The following NPHP1 variants were observed in gnomAD, a reference collection of about 807,000 sequenced individuals.
NPHP1 encodes nephrocystin-1.
A neutral mutation model predicts 90.4 loss-of-function variants in NPHP1; 70 were observed. The ratio of observed to expected loss-of-function variants is 0.77; its 90% CI spans 0.64 to 0.95. NPHP1 has a LOEUF of 0.95. NPHP1 is among the 40% of genes least tolerant of loss of function. The pLI is 0.00. For synonymous variants in NPHP1, 256 were observed against 271.7 expected (o/e 0.94, Z 0.57); for missense variants, 764 against 795.9 (o/e 0.96, Z 0.48).
chr2:110,190,480 G>A (rs1007482377), intron 2 of NPHP1, among the ~76,000 whole-genome samples: 14 of 152,286 alleles, frequency 9.2e-5, no homozygotes, highest in Non-Finnish European at 1.5e-4. Flanking sequence ...CTGGCTGGCC[G>A]CTCCAAGTGC....
chr2:110,147,894 C>A, intron 13 of NPHP1, 22 bp downstream of exon 13: 2 of 1,320,466 alleles, frequency 1.5e-6, no homozygotes, highest in Non-Finnish European at 2.2e-6. Flanking sequence ...CATTAGAAAG[C>A]CTTATCTTTC....
At chr2:110,191,363 T>C (rs1365198849) in intron 2 of NPHP1, among the ~76,000 whole-genome samples, 1 of 152,166 alleles carries the variant, frequency 6.6e-6, no homozygotes, top group Non-Finnish European at 1.5e-5. Context: ...CACCAGGAGA[T>C]TACATCGCGC....
chr2:110,150,612 T>C (rs1681393463), intron 11 of NPHP1, among the ~76,000 whole-genome samples: 2 of 151,934 alleles, frequency 1.3e-5, no homozygotes, highest in Admixed American at 6.5e-5. Flanking sequence ...TGCAGTGGCA[T>C]GATCTAGGCT....
At chr2:110,172,211 T>C (rs1276526521) in intron 4 of NPHP1, among the ~76,000 whole-genome samples, 1 of 152,190 alleles carries the variant, frequency 6.6e-6, no homozygotes, top group African/African-American at 2.4e-5. Context: ...TCATAGTATC[T>C]TTTTAATGCT....
chr2:110,174,643 C>G (rs1037209020), intron 4 of NPHP1, among the ~76,000 whole-genome samples: 1 of 152,020 alleles, frequency 6.6e-6, no homozygotes, highest in African/African-American at 2.4e-5. Context: ...ACTCACAGTG[C>G]TTTTGTGGTC....
intron 11 of NPHP1, among the ~76,000 whole-genome samples, chr2:110,151,831 T>C (rs1224916602): frequency 6.6e-6 from 1 of 152,192 alleles, no homozygotes; most frequent in Non-Finnish European, 1.5e-5. Flanking sequence ...CTACTTCTAA[T>C]GGCCAAGAAG....
At chr2:110,161,762 T>G in intron 9 of NPHP1, 65 bp from the exon 10 acceptor site, 1 of 1,205,176 alleles carries the variant, frequency 8.3e-7, no homozygotes, top group South Asian at 1.3e-5. Context: ...AAATCCATAA[T>G]GTTATGCTAT....
chr2:110,166,705 C>T (rs953005799), intron 6 of NPHP1, among the ~76,000 whole-genome samples: 3 of 152,184 alleles, frequency 2.0e-5, no homozygotes, highest in African/African-American at 7.2e-5. Flanking sequence ...AGGCTTCTAC[C>T]TTATTTAAGC....
intron 2 of NPHP1, among the ~76,000 whole-genome samples, chr2:110,180,905 G>T (rs1415903060): frequency 6.6e-6 from 1 of 152,194 alleles, no homozygotes; most frequent in East Asian, 1.9e-4. Context: ...CAGAGCAGCT[G>T]CTCAGGCACA....
At chr2:110,192,899 C>G (rs1333656695) in intron 2 of NPHP1, among the ~76,000 whole-genome samples, 2 of 152,038 alleles carry the variant, frequency 1.3e-5, no homozygotes, top group African/African-American at 4.8e-5. Flanking sequence ...TCATATCCAG[C>G]CAAACTAAGC....
chr2:110,175,525 T>C (rs1016710717), intron 4 of NPHP1, among the ~76,000 whole-genome samples: 8 of 152,190 alleles, frequency 5.3e-5, no homozygotes, highest in African/African-American at 1.9e-4. Context: ...AAGATGTTAC[T>C]GTTACTGCAT....
chr2:110,144,510 G>A lies in NPHP1; in HGVS notation c.1412C>T (p.Pro471Leu). The A allele has an allele frequency of 6.2e-7, 1 of 1,605,320 alleles. No homozygotes were observed. The highest frequency in any genetic ancestry group is 2.2e-5 in the East Asian group (1 of 44,726). ...TPYEKGIEVD[P>L]SISRRAHGSV... ...AGCCATACCTCTTCTGGATATTGAA[G>A]GGTCCACTTCAATACCTTTTTCATA... Residue 471 changes from proline to leucine, a missense_variant, in exon 15 of 20, where the codon CCT becomes CTT. By Grantham distance (98) the Pro-to-Leu change is moderately conservative. Coordinates refer to ENST00000445609, the MANE Select transcript of NPHP1 (RefSeq NM_001128178.3).
intron 6 of NPHP1, among the ~76,000 whole-genome samples, 164 bp from the exon 7 acceptor site, chr2:110,165,319 G>C (rs183601777): frequency 1.1e-4 from 16 of 152,232 alleles, no homozygotes; most frequent in Admixed American, 5.2e-4. Flanking sequence ...CTTGAGCATA[G>C]ATGGGAATTT....
chr2:110,170,288 T>C (rs1297436056), intron 4 of NPHP1, among the ~76,000 whole-genome samples: 1 of 152,180 alleles, frequency 6.6e-6, no homozygotes, highest in East Asian at 1.9e-4. Flanking sequence ...GAAAATGCTG[T>C]TGAAGCATTA....
intron 16 of NPHP1, among the ~76,000 whole-genome samples, chr2:110,138,316 TA>T (rs147685347): frequency 1.9e-4 from 28 of 147,662 alleles, no homozygotes; most frequent in Admixed American, 2.7e-4. Flanking sequence ...AAACTTATAA[TA>T]AAAAAAAAAG....
intron 1 of NPHP1, among the ~76,000 whole-genome samples, chr2:110,202,970 G>A (rs1685668870): frequency 6.6e-6 from 1 of 152,158 alleles, no homozygotes; most frequent in African/African-American, 2.4e-5. Flanking sequence ...TCACATGCAT[G>A]TGTATGTTCC....
Position 110,146,794 on chromosome 2 carries a change from A to G in NPHP1, c.1311T>C (p.Phe437=), listed in dbSNP as rs1220364544. ...ERGELSCGWV[F]LKLFDASGVP... is the part of the protein sequence containing the mutation. ...CTCCACTGGCATCAAAAAGTTTAAGAAACACCCAGCCACAGCTTAACTCTC... is the reference window on the plus strand; with the variant it reads ...CTCCACTGGCATCAAAAAGTTTAAGGAACACCCAGCCACAGCTTAACTCTC... The change falls in exon 14 of 20, where the codon TTT becomes TTC. Residue 437 remains phenylalanine, a synonymous_variant. Transcript: ENST00000445609. The G allele has an allele frequency of 1.2e-6, 2 of 1,613,756 alleles. No homozygotes were observed. Among genetic ancestry groups the G allele is most frequent in the South Asian group, 1.1e-5 (1 of 91,070 alleles).
At chr2:110,142,637 C>A (rs1018795119) in intron 16 of NPHP1, among the ~76,000 whole-genome samples, 3 of 152,110 alleles carry the variant, frequency 2.0e-5, no homozygotes, top group African/African-American at 7.2e-5. Context: ...TAGGTGTGAG[C>A]CACCATGCCC....
intron 17 of NPHP1, among the ~76,000 whole-genome samples, chr2:110,131,136 T>C (rs944710442): frequency 2.6e-5 from 4 of 152,216 alleles, no homozygotes; most frequent in Admixed American, 1.3e-4. Context: ...TTCAATCATG[T>C]ATGGTGACTC....
Sources: allele counts gnomAD v4.1 joint callset (sites outside exome capture counted in the v4.1 genomes callset), GRCh38; gene constraint gnomAD v4.1.1; transcripts MANE v1.5; gene names NCBI Gene and HGNC (gene_info 2026-07-23, HGNC 2026-07-21).